The following SLC28A1 variants were observed in gnomAD, a reference collection of about 807,000 sequenced individuals.
SLC28A1 encodes solute carrier family 28 member 1, also known as sodium/nucleoside cotransporter 1.
In SLC28A1, 64 loss-of-function variants were observed where a neutral mutation model predicts 74.8. That is an observed-to-expected ratio of 0.86 (90% confidence interval 0.70 to 1.05). The LOEUF is 1.05. SLC28A1 is among the 50% of genes least tolerant of loss of function. SLC28A1 has a pLI of 0.00. For synonymous variants in SLC28A1, 359 were observed against 335.0 expected, an observed-to-expected ratio of 1.07 and a Z score of -0.78; for missense variants, 828 against 822.8, an observed-to-expected ratio of 1.01 and a Z score of -0.08.
At chr15:84,925,733 C>T (rs1200864918) in intron 12 of SLC28A1, among the ~76,000 whole-genome samples, 2 of 152,006 alleles carry the variant, frequency 1.3e-5, no homozygotes, top group African/African-American at 2.4e-5. Context: ...TGTAAGTAGG[C>T]TTTTAGGTAT....
At chr15:84,899,458 TAC>T (rs768513008) in intron 6 of SLC28A1, among the ~76,000 whole-genome samples, 12 of 151,954 alleles carry the variant, frequency 7.9e-5, no homozygotes, top group Non-Finnish European at 1.6e-4. Context: ...ATGAAGACTA[TAC>T]CAAGGCAATA....
the SLC28A1 span, among the ~76,000 whole-genome samples, chr15:84,959,977 G>A: frequency 6.6e-6 from 1 of 152,140 alleles, no homozygotes; most frequent in Admixed American, 6.5e-5. Flanking sequence ...TAACTGGGCT[G>A]AGACCATCTA....
chr15:84,963,839 C>T, the SLC28A1 span, among the ~76,000 whole-genome samples: 9 of 152,304 alleles, frequency 5.9e-5, no homozygotes, highest in East Asian at 1.5e-3. Flanking sequence ...CCTATTTCAC[C>T]TCTAGCCATT....
At chr15:84,915,324 G>T (rs1968931015) in intron 9 of SLC28A1, among the ~76,000 whole-genome samples, 1 of 152,148 alleles carries the variant, frequency 6.6e-6, no homozygotes, top group East Asian at 1.9e-4. Context: ...GAAAGAAAAG[G>T]CCTCAGCAGG....
rs748708872 is a variant in SLC28A1, at chr15:84,918,577, G to A, written c.849G>A (p.Val283=). ...GTGTCATATCCGTTCTCTACCACGT[G>A]GGCCTCATGCAGTGGGTGATCCTGA... ...FSCVISVLYH[V]GLMQWVILKI... The change falls in exon 10 of 19, where the codon GTG becomes GTA. Residue 283 remains valine (V), a synonymous_variant. Coordinates refer to ENST00000394573, the MANE Select transcript of SLC28A1 (RefSeq NM_004213.5). 19 of 1,613,634 alleles carry A rather than the reference G, an allele frequency of 1.2e-5. No homozygotes were observed. The highest frequency in any genetic ancestry group is 1.5e-5 in the Non-Finnish European group (18 of 1,179,780).
intron 3 of SLC28A1, 71 bp from the exon 4 acceptor site, chr15:84,888,701 C>A: frequency 8.9e-7 from 1 of 1,118,306 alleles, no homozygotes; most frequent in Non-Finnish European, 1.3e-6. Context: ...CCGTGGCCCC[C>A]GACCCCCAGC....
chr15:84,946,085 C>CATATAT (rs1352839442), downstream of SLC28A1, among the ~76,000 whole-genome samples: 245 of 23,924 alleles, frequency 0.01, 13 homozygotes, highest in East Asian at 0.013. Context: ...TGTGTATGTT[C>CATATAT]ATATATATAT....
chr15:84,886,640 C>T, intron 1 of SLC28A1, 32 bp from the exon 2 acceptor site: 1 of 985,510 alleles, frequency 1.0e-6, no homozygotes, highest in Non-Finnish European at 1.2e-6. Flanking sequence ...GGGTGGCAGG[C>T]CCAACCTACT....
At chr15:84,925,062 A>G (rs1424247146) in intron 12 of SLC28A1, among the ~76,000 whole-genome samples, 1 of 136,814 alleles carries the variant, frequency 7.3e-6, no homozygotes, top group Non-Finnish European at 1.6e-5. Context: ...CACCGCGCCC[A>G]GCTAGTTTTT....
At chr15:84,889,103 C>T (rs1012533558) in intron 4 of SLC28A1, among the ~76,000 whole-genome samples, 11 of 152,144 alleles carry the variant, frequency 7.2e-5, no homozygotes, top group African/African-American at 1.2e-4. Flanking sequence ...CAGTATGTAC[C>T]GTGGGGCCTG....
chr15:84,928,613 T>C (rs1246590164), intron 12 of SLC28A1, among the ~76,000 whole-genome samples: 2 of 48,842 alleles, frequency 4.1e-5, no homozygotes, highest in Admixed American at 2.0e-4. Context: ...TTTTCTTTCT[T>C]TCTTTTCTTT....
At chr15:84,895,698 C>T (rs936260096) in intron 6 of SLC28A1, 9 of 1,386,250 alleles carry the variant, frequency 6.5e-6, no homozygotes, top group Middle Eastern at 2.7e-4. Flanking sequence ...TTTCACCAGG[C>T]AGCTCTAAAT....
At chr15:84,937,351 A>G (rs1972056000) in intron 15 of SLC28A1, among the ~76,000 whole-genome samples, 1 of 152,172 alleles carries the variant, frequency 6.6e-6, no homozygotes, top group African/African-American at 2.4e-5. Context: ...TGACTCCCAC[A>G]TGAGTCTTCA....
chr15:84,946,690 G>A (rs765915862), downstream of SLC28A1, among the ~76,000 whole-genome samples: 185 of 152,162 alleles, frequency 1.2e-3, 2 homozygotes, highest in Non-Finnish European at 2.2e-3. Flanking sequence ...TGGTGTTCAG[G>A]GAACCCTGAT....
intron 5 of SLC28A1, among the ~76,000 whole-genome samples, chr15:84,892,853 T>G (rs760181732): frequency 6.6e-6 from 1 of 152,092 alleles, no homozygotes; most frequent in Non-Finnish European, 1.5e-5. Flanking sequence ...GTCCCCAGTC[T>G]TAGAAGAAGG....
At chr15:84,931,981 A>G (rs11073819) in intron 12 of SLC28A1, among the ~76,000 whole-genome samples, 66,173 of 150,846 alleles carry the variant, frequency 0.44, 15,538 homozygotes, top group East Asian at 0.88. Context: ...CAGCCTGGGC[A>G]ACAGAGCAAG....
intron 15 of SLC28A1, among the ~76,000 whole-genome samples, chr15:84,941,397 G>T (rs886527005): frequency 8.6e-5 from 13 of 151,904 alleles, no homozygotes; most frequent in African/African-American, 3.1e-4. Flanking sequence ...AGTAGAAATG[G>T]GGTTTCACCA....
At chr15:84,928,000 C>T (rs1192305021) in intron 12 of SLC28A1, among the ~76,000 whole-genome samples, 3 of 152,210 alleles carry the variant, frequency 2.0e-5, no homozygotes, top group Non-Finnish European at 4.4e-5. Flanking sequence ...AAGAATAACG[C>T]TGGTGTTCCT....
At chr15:84,920,390 G>A (rs1969661965) in intron 10 of SLC28A1, among the ~76,000 whole-genome samples, 2 of 151,300 alleles carry the variant, frequency 1.3e-5, no homozygotes, top group Non-Finnish European at 2.9e-5. Flanking sequence ...AGGTTGCAGT[G>A]AGCCAAGATT....
Sources: gnomAD v4.1 joint callset for allele counts (sites outside exome capture counted in the v4.1 genomes callset) on GRCh38, gnomAD v4.1.1 for gene constraint, MANE v1.5 for transcripts, NCBI Gene and HGNC (gene_info 2026-07-23, HGNC 2026-07-21) for gene names.